TJP1: variants seen among roughly 807,000 people sequenced by gnomAD.
TJP1 encodes the protein tight junction protein ZO-1.
In TJP1, 43 loss-of-function variants were observed where a neutral mutation model predicts 194.2. The ratio of observed to expected loss-of-function variants is 0.22; its 90% CI spans 0.17 to 0.29. The LOEUF is 0.29. Ranked by LOEUF, TJP1 falls within the 10% of genes least tolerant of loss-of-function variation. The pLI is 1.00. For missense variants in TJP1, 1,971 were observed against 2,185.7 expected (o/e 0.90, Z 1.96); for synonymous variants, 801 against 779.0 (o/e 1.03, Z -0.47).
chr15:29,899,110 T>G (rs755879692), intron 2 of TJP1, among the ~76,000 whole-genome samples: 19 of 152,104 alleles, frequency 1.2e-4, no homozygotes, highest in Non-Finnish European at 2.2e-4. Context: ...TCTCTATTAT[T>G]TTGTACATTC....
At chr15:29,813,315 G>C (rs989393024) in intron 1 of TJP1, among the ~76,000 whole-genome samples, 1 of 152,144 alleles carries the variant, frequency 6.6e-6, no homozygotes, top group Non-Finnish European at 1.5e-5. Context: ...TTGCTCAGCT[G>C]TTGGTACTCC....
At chr15:29,761,905 G>T in intron 6 of TJP1, 136 bp from the exon 7 acceptor site, 2 of 817,310 alleles carry the variant, frequency 2.4e-6, no homozygotes, top group Non-Finnish European at 3.5e-6. Flanking sequence ...TTTCCAAACT[G>T]TCAAAGTATT....
chr15:29,799,676 A>G (rs1442908368), intron 2 of TJP1, among the ~76,000 whole-genome samples: 1 of 152,140 alleles, frequency 6.6e-6, no homozygotes, highest in African/African-American at 2.4e-5. Flanking sequence ...CAGCCTCCCA[A>G]AGTGCTGGGA....
At chr15:29,862,635 T>G (rs906668542) in intron 2 of TJP1, among the ~76,000 whole-genome samples, 1 of 135,136 alleles carries the variant, frequency 7.4e-6, no homozygotes, top group East Asian at 2.3e-4. Context: ...AGGCAATAGG[T>G]TTTTTTCTTT....
At chr15:29,910,944 A>C (rs776880230) in intron 2 of TJP1, among the ~76,000 whole-genome samples, 10 of 152,244 alleles carry the variant, frequency 6.6e-5, no homozygotes, top group Non-Finnish European at 1.2e-4. Flanking sequence ...GTAAGAGTAC[A>C]TCAACGGGTG....
At chr15:29,865,216 G>T (rs1219750864) in intron 2 of TJP1, among the ~76,000 whole-genome samples, 1 of 152,146 alleles carries the variant, frequency 6.6e-6, no homozygotes, top group African/African-American at 2.4e-5. Flanking sequence ...CTGATAAGAC[G>T]AGAATTACTC....
At chr15:29,854,827 T>A (rs1311959085) in intron 2 of TJP1, among the ~76,000 whole-genome samples, 1 of 151,956 alleles carries the variant, frequency 6.6e-6, no homozygotes, top group East Asian at 1.9e-4. Flanking sequence ...TATGTAACCA[T>A]GAGACCTTCA....
At chr15:29,917,903 G>A (rs1482495278) in intron 2 of TJP1, among the ~76,000 whole-genome samples, 1 of 152,126 alleles carries the variant, frequency 6.6e-6, no homozygotes, top group East Asian at 1.9e-4. Context: ...TACTCACATT[G>A]TTGTGCAACC....
intron 1 of TJP1, chr15:29,968,298 G>C: frequency 4.1e-6 from 4 of 985,204 alleles, no homozygotes; most frequent in Non-Finnish European, 4.8e-6. Flanking sequence ...GTCTCCGCGA[G>C]AGCCTGGCTG....
intron 2 of TJP1, among the ~76,000 whole-genome samples, chr15:29,884,820 G>C (rs577400912): frequency 4.3e-4 from 65 of 152,258 alleles, no homozygotes; most frequent in African/African-American, 1.4e-3. Flanking sequence ...TTAACTAAAG[G>C]GATCAAAAAG....
chr15:29,949,589 TCCACAACCACCACC>T (rs2055519398), intron 2 of TJP1, among the ~76,000 whole-genome samples: 12 of 49,698 alleles, frequency 2.4e-4, no homozygotes, highest in Non-Finnish European at 3.6e-4. Context: ...CACCTCCACC[TCCACAACCACCACC>T]TCCACCTTCA....
At chr15:29,953,796 G>A (rs116721775) in intron 2 of TJP1, among the ~76,000 whole-genome samples, 1 of 152,124 alleles carries the variant, frequency 6.6e-6, no homozygotes, top group Non-Finnish European at 1.5e-5. Flanking sequence ...GCAGAAATTA[G>A]ACTTCATTAA....
chr15:29,710,683 T>A (rs2042185986), intron 24 of TJP1, 148 bp downstream of exon 24: 1 of 972,214 alleles, frequency 1.0e-6, no homozygotes, highest in Non-Finnish European at 1.5e-6. Context: ...GGAGACATAC[T>A]TTTAACAAAA....
intron 1 of TJP1, among the ~76,000 whole-genome samples, chr15:29,815,177 G>A (rs1486986470): frequency 6.6e-6 from 1 of 152,154 alleles, no homozygotes; most frequent in Non-Finnish European, 1.5e-5. Flanking sequence ...GCAACCTGAA[G>A]CCACTCTTCT....
intron 10 of TJP1, among the ~76,000 whole-genome samples, chr15:29,740,407 C>CT (rs1427392526): frequency 6.6e-6 from 1 of 152,060 alleles, no homozygotes; most frequent in Non-Finnish European, 1.5e-5. Flanking sequence ...TGGTGGACTG[C>CT]TTGAGCCCAG....
intron 27 of TJP1, 59 bp downstream of exon 27, chr15:29,704,103 C>T: frequency 1.3e-6 from 2 of 1,520,614 alleles, no homozygotes; most frequent in Admixed American, 4.0e-5. Flanking sequence ...ATCATCAGCC[C>T]AGGTATTAAT....
chr15:29,743,998 GT>G (rs760158896), intron 8 of TJP1, among the ~76,000 whole-genome samples: 141 of 152,112 alleles, frequency 9.3e-4, no homozygotes, highest in Non-Finnish European at 5.4e-4. Flanking sequence ...GGCCAGTAAG[GT>G]GAAACCCTGT....
In TJP1 at chr15:29,732,622, A is replaced by G. The variant is rs771141604; in HGVS notation, c.1921+9T>C. 6.2e-7 allele frequency: 1 copy of G among 1,613,864 alleles called. No individual in the cohort carries two copies. Among genetic ancestry groups the G allele is most frequent in the South Asian group, 1.1e-5 (1 of 91,048 alleles). ...AGGGTATTAGGTTAGTCTGTAGAAAATAAACTACCTTCTCGAAGAACCACT... is the reference window on the plus strand; with the variant it reads ...AGGGTATTAGGTTAGTCTGTAGAAAGTAAACTACCTTCTCGAAGAACCACT... On this transcript the variant is annotated intron_variant, in intron 14 of 27. Transcript: ENST00000614355.
At chr15:29,914,298 C>T (rs1340138263) in intron 2 of TJP1, among the ~76,000 whole-genome samples, 2 of 152,054 alleles carry the variant, frequency 1.3e-5, no homozygotes, top group South Asian at 2.1e-4. Flanking sequence ...ATTAAATAAA[C>T]GTTTGCCTGA....
Sources: allele counts gnomAD v4.1 joint callset (sites outside exome capture counted in the v4.1 genomes callset), GRCh38; gene constraint gnomAD v4.1.1; transcripts MANE v1.5; gene names NCBI Gene and HGNC (gene_info 2026-07-23, HGNC 2026-07-21).